Variants in SOAT1 observed in about 807,000 individuals in gnomAD.
The protein encoded by SOAT1 is acyl-coenzyme A:cholesterol acyltransferase 1.
Under a neutral mutation model 69.5 loss-of-function variants are expected in SOAT1, and 55 were observed. That is an observed-to-expected ratio of 0.79 (90% confidence interval 0.64 to 0.99). The LOEUF is 0.99. Ranked by LOEUF, SOAT1 falls within the 50% of genes least tolerant of loss-of-function variation. SOAT1 has a pLI of 0.00. For missense variants in SOAT1, 580 were observed against 669.3 expected (o/e 0.87, Z 1.47); for synonymous variants, 231 against 224.7 (o/e 1.03, Z -0.25).
rs769032189 is a variant in SOAT1 at position 179,341,242 on chromosome 1, G to A, written c.712G>A (p.Gly238Arg). The change falls in exon 7 of 16, where the codon GGA (glycine) becomes AGA (arginine). Residue 238 changes from glycine to arginine, a missense_variant. Gly to Arg is a moderately radical substitution (Grantham distance 125). Transcript: ENST00000367619. ...CTTCCAGATTGGAGTTCTAGGTTTTGGACCAACATATGTTGTGTTAGCATA... is the reference window on the plus strand; with the variant it reads ...CTTCCAGATTGGAGTTCTAGGTTTTAGACCAACATATGTTGTGTTAGCATA... ...MIFQIGVLGF[G>R]PTYVVLAYTL... 1 of 1,614,064 alleles carries A rather than the reference G, an allele frequency of 6.2e-7. No homozygotes were observed. The highest frequency in any genetic ancestry group is 1.1e-5 in the South Asian group (1 of 91,084).
chr1:179,344,353 G>GTTTTTTT (rs1553247808), intron 10 of SOAT1, among the ~76,000 whole-genome samples: 3 of 14,176 alleles, frequency 2.1e-4, no homozygotes, highest in Non-Finnish European at 3.9e-4. Flanking sequence ...TCATTAAGGG[G>GTTTTTTT]TTTTTTTTTT....
chr1:179,340,169 T>C (rs1666285484), intron 6 of SOAT1, among the ~76,000 whole-genome samples: 2 of 152,196 alleles, frequency 1.3e-5, no homozygotes, highest in South Asian at 4.1e-4. Context: ...GAATTGAAGG[T>C]TGAAAAAGTT....
At chr1:179,306,830 C>CAGGA (rs1553243339) in intron 2 of SOAT1, among the ~76,000 whole-genome samples, 1 of 96,654 alleles carries the variant, frequency 1.0e-5, no homozygotes, top group Non-Finnish European at 1.9e-5. Context: ...GACTCCATCT[C>CAGGA]AAAAAAAAAA....
At chr1:179,321,206 A>G (rs1665589370) in intron 2 of SOAT1, among the ~76,000 whole-genome samples, 1 of 152,028 alleles carries the variant, frequency 6.6e-6, no homozygotes. Flanking sequence ...ACGCCCAGCC[A>G]TGAACTCACA....
Position 179,337,911 on chromosome 1 carries a change from T to A in SOAT1, c.389+15T>A, listed in dbSNP as rs1344148049. 1 of 1,574,426 alleles carries A rather than the reference T, an allele frequency of 6.4e-7. No individual in the cohort carries two copies. The highest frequency in any genetic ancestry group is 8.6e-7 in the Non-Finnish European group (1 of 1,156,698). ...TCTCTCTTAGAGTGAGTATTTTTAG[T>A]TGTTTTTAAATATGTTTGATTTTTA... On this transcript the variant is annotated intron_variant, in intron 5 of 15. Coordinates refer to ENST00000367619, the MANE Select transcript of SOAT1 (RefSeq NM_003101.6).
At position 179,312,723 on chromosome 1, in the gene SOAT1, A is replaced by G. The variant is rs1571414294; in HGVS notation, c.118+9921A>G. Among the ~76,000 whole-genome samples, 4 of 152,218 alleles carry G rather than the reference A, an allele frequency of 2.6e-5. No homozygotes were observed. The South Asian group carries it at 8.3e-4, about 31-fold the overall frequency. ...TTATAACTAAGGTTCTCTCCCTGGT[A>G]GGTAACCATTGCTCCTTTCTAATAT... On this transcript the variant is annotated intron_variant, in intron 2 of 15. Coordinates refer to ENST00000367619, the MANE Select transcript of SOAT1 (RefSeq NM_003101.6).
intron 3 of SOAT1, among the ~76,000 whole-genome samples, chr1:179,333,833 CAAA>C (rs11378989): frequency 2.5e-4 from 33 of 133,622 alleles, no homozygotes; most frequent in East Asian, 6.5e-4. Flanking sequence ...AACTCCGTCT[CAAA>C]AAAAAAAAAA....
intron 3 of SOAT1, among the ~76,000 whole-genome samples, chr1:179,330,189 C>G (rs1216700588): frequency 6.6e-6 from 1 of 152,022 alleles, no homozygotes; most frequent in Non-Finnish European, 1.5e-5. Context: ...AGGCAGGGGA[C>G]CTAGGGAGTG....
In SOAT1 at chr1:179,314,691, G is replaced by T. The variant is rs139365454; in HGVS notation, c.119-8746G>T. ...CCCTCCTGTCTCAGCCTCACAAAGT[G>T]CTGGGATGATAATAGGCGTGAGCCA... On this transcript the variant is annotated intron_variant, in intron 2 of 15. Coordinates refer to ENST00000367619, the MANE Select transcript of SOAT1 (RefSeq NM_003101.6). Among the ~76,000 whole-genome samples the T allele has an allele frequency of 5.9e-3, 897 of 152,252 alleles. 9 individuals carry two copies. The highest frequency in any genetic ancestry group is 0.02 in the African/African-American group (844 of 41,540).
chr1:179,325,263 C>T (rs1665746526), intron 3 of SOAT1, among the ~76,000 whole-genome samples: 1 of 150,884 alleles, frequency 6.6e-6, no homozygotes, highest in Non-Finnish European at 1.5e-5. Flanking sequence ...CATTCTCCTG[C>T]ATCAGCCTCC....
intron 1 of SOAT1, among the ~76,000 whole-genome samples, chr1:179,297,807 G>A (rs1664701983): frequency 6.6e-6 from 1 of 150,960 alleles, no homozygotes; most frequent in Non-Finnish European, 1.5e-5. Flanking sequence ...CGAGGCAGGC[G>A]GATCACCTGA....
At chr1:179,318,301 GAAACTGTCTCT>G in intron 2 of SOAT1, among the ~76,000 whole-genome samples, 1 of 152,076 alleles carries the variant, frequency 6.6e-6, no homozygotes, top group South Asian at 2.1e-4. Context: ...GTGAAAATAA[GAAACTGTCTCT>G]AAATCTGTGA....
At chr1:179,322,141 C>G (rs1665626513) in intron 2 of SOAT1, among the ~76,000 whole-genome samples, 1 of 152,114 alleles carries the variant, frequency 6.6e-6, no homozygotes, top group African/African-American at 2.4e-5. Context: ...CCACCAGCCT[C>G]CTAAAGTGCT....
chr1:179,300,981 G>C (rs1664813728), intron 1 of SOAT1, among the ~76,000 whole-genome samples: 1 of 152,148 alleles, frequency 6.6e-6, no homozygotes, highest in African/African-American at 2.4e-5. Context: ...TGTAATCTCA[G>C]CCACTCGGGA....
At chr1:179,330,721 T>A (rs1017947704) in intron 3 of SOAT1, among the ~76,000 whole-genome samples, 3 of 152,216 alleles carry the variant, frequency 2.0e-5, no homozygotes, top group Non-Finnish European at 4.4e-5. Context: ...GTCGTAGTCT[T>A]TGCAAAGGCA....
intron 14 of SOAT1, among the ~76,000 whole-genome samples, chr1:179,351,065 C>CA (rs1666713469): frequency 8.6e-6 from 1 of 116,630 alleles, no homozygotes; most frequent in Non-Finnish European, 1.8e-5. Flanking sequence ...TTTTTTGAGA[C>CA]AGAGTTTCAC....
intron 3 of SOAT1, among the ~76,000 whole-genome samples, chr1:179,328,954 G>A (rs1665878201): frequency 6.7e-6 from 1 of 149,866 alleles, no homozygotes; most frequent in African/African-American, 2.5e-5. Context: ...GCTGAGGTGG[G>A]AAGATCATTT....
intron 10 of SOAT1, among the ~76,000 whole-genome samples, chr1:179,344,343 T>C (rs1666445168): frequency 7.2e-6 from 1 of 139,206 alleles, no homozygotes; most frequent in African/African-American, 2.7e-5. Flanking sequence ...GTAAGTTCTT[T>C]CATTAAGGGG....
intron 2 of SOAT1, among the ~76,000 whole-genome samples, chr1:179,319,104 A>G (rs1202816446): frequency 1.3e-5 from 2 of 152,074 alleles, no homozygotes; most frequent in Non-Finnish European, 2.9e-5. Flanking sequence ...TCAAGCCAAC[A>G]CTTGTTGTTT....
Sources: allele counts gnomAD v4.1 joint callset (sites outside exome capture counted in the v4.1 genomes callset), GRCh38; gene constraint gnomAD v4.1.1; transcripts MANE v1.5; gene names NCBI Gene and HGNC (gene_info 2026-07-23, HGNC 2026-07-21).